The following KIAA1328 variants were observed in gnomAD, a reference collection of about 807,000 sequenced individuals.
KIAA1328 encodes the protein protein hinderin.
KIAA1328 carries 52 observed loss-of-function variants against 68.1 expected under a neutral mutation model. That is an observed-to-expected ratio of 0.76 (90% CI 0.61 to 0.96). The LOEUF is 0.96. Among genes scored for constraint, KIAA1328 ranks in the 40% least tolerant of loss-of-function variants. The pLI, the probability that KIAA1328 is intolerant of heterozygous loss-of-function variation, is 0.00. For missense variants in KIAA1328, 641 were observed against 677.6 expected (o/e 0.95, Z 0.60); for synonymous variants, 232 against 239.4 (o/e 0.97, Z 0.28).
chr18:36,926,832 A>T (rs2050136126), intron 5 of KIAA1328, among the ~76,000 whole-genome samples: 1 of 152,158 alleles, frequency 6.6e-6, no homozygotes, highest in Admixed American at 6.5e-5. Context: ...AAGACGTGTA[A>T]TTGGCGCATG....
chr18:37,053,557 G>C (rs1048412087), intron 6 of KIAA1328, among the ~76,000 whole-genome samples: 2 of 152,076 alleles, frequency 1.3e-5, no homozygotes, highest in Admixed American at 1.3e-4. Context: ...ACAGCCTTAA[G>C]AATAGTATTA....
rs548871561 is a variant in KIAA1328, at chr18:37,076,446, A to T, written c.1232+8901A>T. 4.3e-4 allele frequency among the ~76,000 whole-genome samples: 66 copies of T among 151,984 alleles called. 2 individuals carry two copies. Among genetic ancestry groups the T allele is most frequent in the African/African-American group, 1.6e-3 (66 of 41,528 alleles). On this transcript the variant is annotated intron_variant, in intron 7 of 9. Coordinates refer to ENST00000280020, the MANE Select transcript of KIAA1328 (RefSeq NM_020776.3). Reference sequence around the variant, plus strand: ...GAACTAGAAAAGCAAGAGCAAACACATTCAAAAGCTAGCAGAAGACTAGAA... The same window carrying T: ...GAACTAGAAAAGCAAGAGCAAACACTTTCAAAAGCTAGCAGAAGACTAGAA...
intron 4 of KIAA1328, among the ~76,000 whole-genome samples, chr18:36,879,662 G>C (rs1382663409): frequency 1.3e-5 from 2 of 152,218 alleles, no homozygotes; most frequent in African/African-American, 4.8e-5. Context: ...CTGACCCAGG[G>C]AGATGGGAGT....
intron 4 of KIAA1328, among the ~76,000 whole-genome samples, chr18:36,873,401 G>A (rs1055204647): frequency 6.6e-6 from 1 of 152,138 alleles, no homozygotes; most frequent in Non-Finnish European, 1.5e-5. Flanking sequence ...CTCTCCTTGT[G>A]GTGGCTTACA....
intron 7 of KIAA1328, among the ~76,000 whole-genome samples, chr18:37,098,974 T>C (rs907380770): frequency 2.0e-5 from 3 of 152,156 alleles, no homozygotes; most frequent in African/African-American, 2.4e-5. Flanking sequence ...TTTTCTTCTT[T>C]ATTAGTCTTG....
At chr18:36,858,854 A>G (rs970939647) in intron 4 of KIAA1328, among the ~76,000 whole-genome samples, 1 of 152,232 alleles carries the variant, frequency 6.6e-6, no homozygotes, top group Non-Finnish European at 1.5e-5. Flanking sequence ...ATGGTTGATT[A>G]ATGCATGTTT....
At chr18:37,138,058 A>G (rs950699072) in intron 7 of KIAA1328, among the ~76,000 whole-genome samples, 1 of 152,176 alleles carries the variant, frequency 6.6e-6, no homozygotes, top group Non-Finnish European at 1.5e-5. Flanking sequence ...AACACCTTCT[A>G]TGTACTAGAT....
At chr18:37,006,493 TTTTA>T (rs2053788468) in intron 6 of KIAA1328, among the ~76,000 whole-genome samples, 1 of 152,158 alleles carries the variant, frequency 6.6e-6, no homozygotes. Flanking sequence ...CTTCTATTTT[TTTTA>T]TTTATTTAAT....
chr18:36,853,906 C>T (rs1313689799), intron 4 of KIAA1328, among the ~76,000 whole-genome samples: 2 of 152,174 alleles, frequency 1.3e-5, no homozygotes, highest in Non-Finnish European at 2.9e-5. Context: ...GATTCACCCA[C>T]CTCAGCCTCC....
At chr18:36,916,766 C>T (rs1341054336) in intron 5 of KIAA1328, among the ~76,000 whole-genome samples, 1 of 152,100 alleles carries the variant, frequency 6.6e-6, no homozygotes, top group Non-Finnish European at 1.5e-5. Flanking sequence ...TTTGTTAAAA[C>T]AGCTGCCATT....
chr18:37,123,718 A>G (rs759206183), intron 7 of KIAA1328, among the ~76,000 whole-genome samples: 5 of 152,178 alleles, frequency 3.3e-5, no homozygotes, highest in Admixed American at 6.5e-5. Context: ...ACAGTACTCA[A>G]TTTTTCCTTT....
At chr18:37,049,667 G>A (rs2055614166) in intron 6 of KIAA1328, among the ~76,000 whole-genome samples, 1 of 152,056 alleles carries the variant, frequency 6.6e-6, no homozygotes, top group Non-Finnish European at 1.5e-5. Flanking sequence ...TCCCTGGTCT[G>A]ATCTATAGCC....
intron 7 of KIAA1328, among the ~76,000 whole-genome samples, chr18:37,096,231 G>A (rs548380949): frequency 3.6e-4 from 54 of 151,802 alleles, no homozygotes; most frequent in African/African-American, 9.4e-4. Flanking sequence ...TCCCCGCTCC[G>A]CCCACCCCAC....
chr18:36,847,842 T>C (rs1043733715), intron 4 of KIAA1328, among the ~76,000 whole-genome samples: 3 of 151,462 alleles, frequency 2.0e-5, no homozygotes, highest in Admixed American at 6.6e-5. Flanking sequence ...TTTTCTATGT[T>C]AGAAAAGACT....
chr18:36,975,936 G>A (rs895302739), intron 6 of KIAA1328, among the ~76,000 whole-genome samples: 14 of 151,936 alleles, frequency 9.2e-5, no homozygotes, highest in African/African-American at 3.4e-4. Context: ...GATATTTACA[G>A]TTTGCCATTA....
At chr18:37,073,518 G>A (rs2056607022) in intron 7 of KIAA1328, among the ~76,000 whole-genome samples, 1 of 152,204 alleles carries the variant, frequency 6.6e-6, no homozygotes, top group Non-Finnish European at 1.5e-5. Context: ...CTGACATTCT[G>A]TTTAGGCTTT....
chr18:37,121,516 T>C (rs1023623261), intron 7 of KIAA1328, among the ~76,000 whole-genome samples: 1 of 152,086 alleles, frequency 6.6e-6, no homozygotes, highest in Non-Finnish European at 1.5e-5. Context: ...TTGAGACTCT[T>C]CAAATTTAAT....
chr18:36,999,458 A>G (rs147621364), intron 6 of KIAA1328, among the ~76,000 whole-genome samples: 162 of 152,328 alleles, frequency 1.1e-3, no homozygotes, highest in African/African-American at 3.6e-3. Flanking sequence ...GGACTTCTCC[A>G]TGGCACATTA....
chr18:37,194,207 C>G (rs548429409), intron 9 of KIAA1328, among the ~76,000 whole-genome samples: 1 of 151,970 alleles, frequency 6.6e-6, no homozygotes, highest in Non-Finnish European at 1.5e-5. Context: ...TAATAGAGGC[C>G]GTACAACTCA....
Sources: gnomAD v4.1 joint callset for allele counts (sites outside exome capture counted in the v4.1 genomes callset) on GRCh38, gnomAD v4.1.1 for gene constraint, MANE v1.5 for transcripts, NCBI Gene and HGNC (gene_info 2026-07-23, HGNC 2026-07-21) for gene names.